The following MEF2A variants were observed in gnomAD, a reference collection of about 807,000 sequenced individuals.
MEF2A encodes myocyte enhancer factor 2A.
A neutral mutation model predicts 55.8 loss-of-function variants in MEF2A; 28 were observed. The observed-to-expected ratio is 0.50, with a 90% CI of 0.37 to 0.69. The LOEUF (loss-of-function observed/expected upper bound fraction) is 0.69. MEF2A is among the 30% of genes least tolerant of loss of function. The probability of loss-of-function intolerance (pLI) is 0.00; values close to 1 mark genes in which losing one functional copy is unlikely to be tolerated. For missense variants in MEF2A, 528 were observed against 626.2 expected (o/e 0.84, Z 1.67); for synonymous variants, 239 against 227.1 (o/e 1.05, Z -0.47).
At chr15:99,694,849 C>T (rs532872800) in intron 8 of MEF2A, among the ~76,000 whole-genome samples, 2 of 152,252 alleles carry the variant, frequency 1.3e-5, no homozygotes, top group African/African-American at 4.8e-5. Context: ...TCAATATGGA[C>T]TCGTGGGCAT....
intron 6 of MEF2A, 79 bp from the exon 7 acceptor site, chr15:99,675,320 C>A: frequency 8.5e-7 from 1 of 1,178,338 alleles, no homozygotes; most frequent in South Asian, 1.2e-5. Flanking sequence ...TATCTCTATT[C>A]AGTTCACGTT....
chr15:99,623,804 C>T (rs539315276), intron 2 of MEF2A, among the ~76,000 whole-genome samples: 3 of 148,960 alleles, frequency 2.0e-5, no homozygotes, highest in Admixed American at 6.7e-5. Context: ...TATGATCTGC[C>T]GTTTTTTTTT....
chr15:99,620,482 C>A (rs116810249), intron 2 of MEF2A, among the ~76,000 whole-genome samples: 10 of 152,148 alleles, frequency 6.6e-5, no homozygotes, highest in African/African-American at 2.4e-4. Context: ...GAATGATGGC[C>A]TCCAGCTGCC....
chr15:99,681,170 A>G (rs2053179095), intron 7 of MEF2A, among the ~76,000 whole-genome samples: 2 of 152,354 alleles, frequency 1.3e-5, no homozygotes, highest in South Asian at 4.1e-4. Flanking sequence ...AAGAGAAAAA[A>G]CATATATGGT....
intron 4 of MEF2A, among the ~76,000 whole-genome samples, chr15:99,665,430 A>T (rs952376410): frequency 6.6e-6 from 1 of 152,140 alleles, no homozygotes; most frequent in Non-Finnish European, 1.5e-5. Flanking sequence ...TTATACAAAA[A>T]TTAAGATGGG....
chr15:99,627,439 A>G (rs1482886532), intron 2 of MEF2A, among the ~76,000 whole-genome samples: 2 of 150,546 alleles, frequency 1.3e-5, no homozygotes, highest in Admixed American at 6.6e-5. Context: ...AAAAAAAAAA[A>G]AAAAAAAAAA....
intron 4 of MEF2A, among the ~76,000 whole-genome samples, chr15:99,648,473 A>G (rs547394019): frequency 6.6e-6 from 1 of 152,220 alleles, no homozygotes. Flanking sequence ...GTGGTTGAAA[A>G]CATCAGGATA....
At chr15:99,602,061 C>G (rs1973274121) in intron 2 of MEF2A, among the ~76,000 whole-genome samples, 2 of 152,036 alleles carry the variant, frequency 1.3e-5, no homozygotes, top group Admixed American at 1.3e-4. Context: ...CTTGCCCTCT[C>G]AGAAGAAAGA....
At chr15:99,656,558 C>A (rs768166781) in intron 4 of MEF2A, among the ~76,000 whole-genome samples, 1 of 152,060 alleles carries the variant, frequency 6.6e-6, no homozygotes, top group Non-Finnish European at 1.5e-5. Context: ...GCTAGTGCAT[C>A]TTAGGACAAT....
intron 3 of MEF2A, among the ~76,000 whole-genome samples, chr15:99,642,532 AT>A (rs956614489): frequency 6.6e-6 from 1 of 151,078 alleles, no homozygotes; most frequent in East Asian, 1.9e-4. Flanking sequence ...TTATGATTTG[AT>A]TTTTTTTCTC....
chr15:99,578,543 G>T (rs559103806), intron 1 of MEF2A, among the ~76,000 whole-genome samples: 1 of 152,202 alleles, frequency 6.6e-6, no homozygotes, highest in Admixed American at 6.5e-5. Flanking sequence ...TTGTTTTGGG[G>T]GATAGCATTT....
At chr15:99,689,859 A>G (rs193011068) in intron 7 of MEF2A, among the ~76,000 whole-genome samples, 234 of 152,284 alleles carry the variant, frequency 1.5e-3, no homozygotes, top group African/African-American at 5.4e-3. Context: ...CTTAAGCTTT[A>G]TATGTATTTC....
intron 2 of MEF2A, among the ~76,000 whole-genome samples, chr15:99,631,773 A>G (rs188039008): frequency 4.6e-5 from 7 of 152,318 alleles, no homozygotes; most frequent in African/African-American, 1.4e-4. Context: ...GTTTGTATCA[A>G]TGAAGAAATA....
intron 1 of MEF2A, among the ~76,000 whole-genome samples, chr15:99,596,812 A>G (rs1285773643): frequency 2.6e-5 from 4 of 152,354 alleles, no homozygotes; most frequent in South Asian, 2.1e-4. Flanking sequence ...CACCTAATCC[A>G]TTGAGCAGTG....
At chr15:99,658,950 G>A (rs1171272805) in intron 4 of MEF2A, among the ~76,000 whole-genome samples, 13 of 152,054 alleles carry the variant, frequency 8.5e-5, no homozygotes, top group Admixed American at 8.5e-4. Flanking sequence ...GTCTTCATGT[G>A]GACGATGATC....
chr15:99,692,463 C>A (rs2055673897), intron 8 of MEF2A, among the ~76,000 whole-genome samples: 1 of 151,588 alleles, frequency 6.6e-6, no homozygotes. Context: ...ACCAACTGGC[C>A]CAGATACTCC....
In MEF2A at chr15:99,690,323, A is replaced by G; in HGVS notation, c.753A>G (p.Thr251=). Residue 251 remains threonine (T), a synonymous_variant, in exon 8 of 12, where the codon ACA becomes ACG. Transcript: ENST00000557942. ...ATAGCTTAGGCAAAGTCATGCCTAC[A>G]AAGTCTCCCCCTCCACCAGGTGGTG... ...GANSLGKVMP[T]KSPPPPGGGN... is the part of the protein sequence containing the mutation. 1 of 1,613,662 alleles carries G rather than the reference A, an allele frequency of 6.2e-7. No homozygotes were observed. Among genetic ancestry groups the G allele is most frequent in the Non-Finnish European group, 8.5e-7 (1 of 1,179,786 alleles).
intron 4 of MEF2A, chr15:99,657,356 A>G (rs1018030472): frequency 6.6e-6 from 1 of 151,990 alleles, no homozygotes; most frequent in African/African-American, 2.4e-5. Context: ...CAATAACTTT[A>G]TGGATATTAT....
At chr15:99,600,286 G>A (rs1002591217) in intron 2 of MEF2A, among the ~76,000 whole-genome samples, 3 of 152,164 alleles carry the variant, frequency 2.0e-5, no homozygotes, top group Admixed American at 6.5e-5. Flanking sequence ...TGTAGACAGT[G>A]TCTTATCCTT....
Sources: allele counts gnomAD v4.1 joint callset (sites outside exome capture counted in the v4.1 genomes callset), GRCh38; gene constraint gnomAD v4.1.1; transcripts MANE v1.5; gene names NCBI Gene and HGNC (gene_info 2026-07-23, HGNC 2026-07-21).